VIRMA: variants seen among roughly 807,000 people sequenced by gnomAD.
The protein encoded by VIRMA is vir like m6A methyltransferase associated, also known as protein virilizer homolog.
VIRMA carries 65 observed loss-of-function variants against 182.4 expected under a neutral mutation model. That is an observed-to-expected ratio of 0.36 (90% CI 0.29 to 0.44). VIRMA has a LOEUF of 0.44. Among genes scored for constraint, VIRMA ranks in the 20% least tolerant of loss-of-function variants. The pLI, the probability that VIRMA is intolerant of heterozygous loss-of-function variation, is 1.00. For missense variants in VIRMA, 1,752 were observed against 2,158.1 expected, an observed-to-expected ratio of 0.81 and a Z score of 3.73; for synonymous variants, 709 against 743.1, an observed-to-expected ratio of 0.95 and a Z score of 0.75.
At chr8:94,520,009 A>G (rs986018902) in intron 8 of VIRMA, among the ~76,000 whole-genome samples, 11 of 151,926 alleles carry the variant, frequency 7.2e-5, no homozygotes, top group Non-Finnish European at 1.6e-4. Context: ...CCAGGAGCTC[A>G]AGACCAGCCT....
Position 94,527,111 on chromosome 8 carries a change from G to A in VIRMA, c.1133C>T (p.Ala378Val). 1 of 1,614,042 alleles carries A rather than the reference G, an allele frequency of 6.2e-7. No homozygotes were observed. Among genetic ancestry groups the A allele is most frequent in the Non-Finnish European group, 8.5e-7 (1 of 1,180,006 alleles). Residue 378 changes from alanine to valine, a missense_variant, in exon 8 of 24, where the codon GCA becomes GTA. Ala to Val is a moderately conservative substitution (Grantham distance 64, BLOSUM62 0). This residue lies in a region of VIRMA where 401 missense variants were observed against 455.1 expected (regional missense o/e 0.88). Coordinates refer to ENST00000297591, the MANE Select transcript of VIRMA (RefSeq NM_015496.5). ...DQGPDKENSG[A>V]IEASVKLTEL... The stretch of plus-strand genomic sequence containing the variant: ...TGTTAACTTCACTGAGGCTTCGATT[G>A]CCCCTGAATTTTCTTTATCTGGACC...
At chr8:94,552,065 T>C (rs927271958) in intron 1 of VIRMA, among the ~76,000 whole-genome samples, 16 of 152,352 alleles carry the variant, frequency 1.1e-4, no homozygotes, top group African/African-American at 3.6e-4. Flanking sequence ...CATAAGTTTG[T>C]TCTGATCCAA....
intron 14 of VIRMA, 76 bp from the exon 15 acceptor site, chr8:94,510,016 A>G: frequency 7.8e-7 from 1 of 1,289,870 alleles, no homozygotes; most frequent in East Asian, 2.4e-5. Flanking sequence ...TTATTTCTCA[A>G]TACACATCAA....
At chr8:94,526,129 G>T (rs1814953858) in intron 8 of VIRMA, 94 bp downstream of exon 8, 1 of 911,428 alleles carries the variant, frequency 1.1e-6, no homozygotes, top group Non-Finnish European at 1.7e-6. Context: ...ACATAAATAA[G>T]TTACCTACAA....
intron 20 of VIRMA, among the ~76,000 whole-genome samples, chr8:94,493,321 G>A (rs1468931482): frequency 6.6e-6 from 1 of 152,096 alleles, no homozygotes; most frequent in African/African-American, 2.4e-5. Flanking sequence ...TTTATCAAAT[G>A]TAAGATACCT....
rs984479946 is a variant in VIRMA, at chr8:94,488,878, C to T, written c.5285-18G>A. The T allele has an allele frequency of 1.2e-6, 2 of 1,606,186 alleles. No individual in the cohort carries two copies. The highest frequency in any genetic ancestry group is 1.1e-5 in the South Asian group (1 of 90,346). On this transcript the variant is annotated intron_variant, in intron 23 of 23. Coordinates refer to ENST00000297591, the MANE Select transcript of VIRMA (RefSeq NM_015496.5). Reference sequence around the variant, plus strand: ...GCGGTAACCTGTAAAAGAAAGAATACAGTTTTTAGTTCCAATGTCCTTTCT... The same window carrying T: ...GCGGTAACCTGTAAAAGAAAGAATATAGTTTTTAGTTCCAATGTCCTTTCT...
chr8:94,491,595 G>A lies in VIRMA; in HGVS notation c.5123C>T (p.Thr1708Ile). The A allele has an allele frequency of 1.2e-6, 2 of 1,611,800 alleles. No homozygotes were observed. Among genetic ancestry groups the A allele is most frequent in the Non-Finnish European group, 1.7e-6 (2 of 1,178,094 alleles). The change falls in exon 22 of 24, where the codon ACA (threonine) becomes ATA (isoleucine). Residue 1708 changes from threonine to isoleucine, a missense_variant. Around this residue, in one of 11 missense-constraint regions of VIRMA, gnomAD observed 132 missense variants for 173.8 expected, o/e 0.76. Transcript: ENST00000297591. ...TTAGTTACCTTTTGAAGCAGGTGGT[G>A]TGAAAAACCTATTCTGACTGTGGAA... is the stretch of plus-strand genomic sequence containing the variant. ...GAFHSQNRFF[T>I]PPASKGNYSR...
intron 21 of VIRMA, 133 bp from the exon 22 acceptor site, chr8:94,492,042 C>T (rs1340378701): frequency 4.8e-6 from 3 of 622,394 alleles, no homozygotes; most frequent in East Asian, 5.6e-5. Context: ...ATCTATCATA[C>T]TTCTGGGATA....
At chr8:94,501,255 C>CAAAAAAAAAAAAAAAAAAAAAAAAAAA in intron 16 of VIRMA, among the ~76,000 whole-genome samples, 1 of 72,864 alleles carries the variant, frequency 1.4e-5, no homozygotes, top group Non-Finnish European at 2.5e-5. Flanking sequence ...GATTCCATCT[C>CAAAAAAAAAAAAAAAAAAAAAAAAAAA]AAAAAAAAAA....
At position 94,506,646 on chromosome 8, in the gene VIRMA, T is replaced by C. The variant is rs1814163222; in HGVS notation, c.3951A>G (p.Leu1317=). The change falls in exon 16 of 24, where the codon CTA becomes CTG. Residue 1317 remains leucine (L), a synonymous_variant. Transcript: ENST00000297591. ...TTGAGGTCATCAATTCTTTATTTGG[T>C]AGAGAATTGGAGAGCTGCTCCAGTT... ...ISELEQLSNS[L]PNKELMTSIC... is the part of the protein sequence containing the mutation. 4 of 1,613,844 alleles carry C rather than the reference T, an allele frequency of 2.5e-6. No individual in the cohort carries two copies. The highest frequency in any genetic ancestry group is 3.4e-6 in the Non-Finnish European group (4 of 1,179,870).
chr8:94,529,935 C>T (rs1458773358), intron 6 of VIRMA, among the ~76,000 whole-genome samples: 2 of 152,110 alleles, frequency 1.3e-5, no homozygotes, highest in Admixed American at 6.5e-5. Flanking sequence ...CCACCACGCC[C>T]GGCCTATTTT....
At chr8:94,495,573 A>C (rs1400937643) in intron 19 of VIRMA, among the ~76,000 whole-genome samples, 158 bp downstream of exon 19, 1 of 151,766 alleles carries the variant, frequency 6.6e-6, no homozygotes. Flanking sequence ...AAAAAAAAAA[A>C]AACTAAAGAA....
chr8:94,521,514 A>G (rs1814769248), intron 8 of VIRMA, among the ~76,000 whole-genome samples: 1 of 152,238 alleles, frequency 6.6e-6, no homozygotes, highest in South Asian at 2.1e-4. Context: ...TACAAGATAG[A>G]ACCAGCTTAA....
At chr8:94,492,240 T>C (rs1000316237) in intron 21 of VIRMA, among the ~76,000 whole-genome samples, 2 of 152,082 alleles carry the variant, frequency 1.3e-5, no homozygotes, top group African/African-American at 4.8e-5. Flanking sequence ...ATGTTCATGA[T>C]TCGAATGCTA....
chr8:94,525,204 A>G (rs1273105565), intron 8 of VIRMA, among the ~76,000 whole-genome samples: 9 of 152,218 alleles, frequency 5.9e-5, no homozygotes, highest in Non-Finnish European at 1.2e-4. Flanking sequence ...GCATCCTTGA[A>G]CCAAAGGGGA....
Position 94,510,511 on chromosome 8 carries a change from G to A in VIRMA, c.3532C>T (p.Arg1178Trp), listed in dbSNP as rs1814326997. The A allele has an allele frequency of 3.1e-6, 5 of 1,614,066 alleles. No individual in the cohort carries two copies. The highest frequency in any genetic ancestry group is 2.5e-6 in the Non-Finnish European group (3 of 1,179,992). The change falls in exon 14 of 24, where the codon CGG (arginine) becomes TGG (tryptophan). Residue 1178 changes from arginine (R) to tryptophan (W), a missense_variant. By Grantham distance (101) the Arg-to-Trp change is moderately radical. Transcript: ENST00000297591. ...TTCQPIQHMLRRICVQLCDLA... is the reference protein window; with the variant it reads ...TTCQPIQHMLWRICVQLCDLA... ...TCACACAATTGAACACAAATACGCC[G>A]TAACATATGTTGAATGGGCTGGCAG...
chr8:94,518,324 A>T lies in VIRMA; in HGVS notation c.2514-382T>A, dbSNP rs114616646. Among the ~76,000 whole-genome samples the T allele has an allele frequency of 1.2e-3, 190 of 152,312 alleles. 2 individuals carry two copies. The highest frequency in any genetic ancestry group is 4.4e-3 in the African/African-American group (183 of 41,572). ...GGAACGAGTATGATCACCTGCCTTCAACACTCAGTATTCCACTATAAACCT... is the reference window on the plus strand; with the variant it reads ...GGAACGAGTATGATCACCTGCCTTCTACACTCAGTATTCCACTATAAACCT... On this transcript the variant is annotated intron_variant, in intron 9 of 23. Coordinates refer to ENST00000297591, the MANE Select transcript of VIRMA (RefSeq NM_015496.5).
chr8:94,508,317 C>T (rs534467736), intron 15 of VIRMA, among the ~76,000 whole-genome samples: 41 of 152,262 alleles, frequency 2.7e-4, no homozygotes, highest in African/African-American at 5.1e-4. Flanking sequence ...AACTCCTGAT[C>T]TCGTGATCCA....
chr8:94,534,790 A>T (rs762045090), intron 5 of VIRMA, 49 bp downstream of exon 5: 18 of 1,531,996 alleles, frequency 1.2e-5, no homozygotes, highest in Middle Eastern at 1.7e-4. Flanking sequence ...TTTTTTTTTT[A>T]AACCACGGAT....
Sources: allele counts gnomAD v4.1 joint callset (sites outside exome capture counted in the v4.1 genomes callset), GRCh38; gene constraint gnomAD v4.1.1; regional missense constraint gnomAD v4.1.1; transcripts MANE v1.5; gene names NCBI Gene and HGNC (gene_info 2026-07-23, HGNC 2026-07-21).